FBXL17: variants seen among roughly 807,000 people sequenced by gnomAD.
FBXL17 encodes the protein F-box and leucine rich repeat protein 17.
FBXL17 carries 22 observed loss-of-function variants against 66.2 expected under a neutral mutation model. That is an observed-to-expected ratio of 0.33 (90% CI 0.24 to 0.47). FBXL17 has a LOEUF of 0.47. Among genes scored for constraint, FBXL17 ranks in the 20% least tolerant of loss-of-function variants. The pLI is 1.00. For missense variants in FBXL17, 878 were observed against 948.2 expected (o/e 0.93, Z 0.97); for synonymous variants, 474 against 400.5 (o/e 1.18, Z -2.19).
In FBXL17 at chr5:108,367,875, C is replaced by G; in HGVS notation, c.1072G>C (p.Asp358His). 1.3e-6 allele frequency: 2 copies of G among 1,550,914 alleles called. No individual in the cohort carries two copies. The highest frequency in any genetic ancestry group is 1.7e-4 in the Middle Eastern group (1 of 5,986). ...TCCAGCTGCTTCCAAAACTGGAAGTCTAAACAAAGGTCACGCCAGTACTTG... is the reference window on the plus strand; with the variant it reads ...TCCAGCTGCTTCCAAAACTGGAAGTGTAAACAAAGGTCACGCCAGTACTTG... The part of the protein sequence containing the change: ...VCKYWRDLCL[D>H]FQFWKQLDLS... Residue 358 changes from aspartate to histidine, a missense_variant, in exon 2 of 9, where the codon GAC (aspartate) becomes CAC (histidine). Coordinates refer to ENST00000542267, the MANE Select transcript of FBXL17 (RefSeq NM_001163315.3).
At chr5:108,059,472 T>C (rs1747837396) in intron 6 of FBXL17, among the ~76,000 whole-genome samples, 1 of 152,112 alleles carries the variant, frequency 6.6e-6, no homozygotes, top group Admixed American at 6.6e-5. Flanking sequence ...TTGACAATGG[T>C]GCCTCAGCAG....
intron 6 of FBXL17, among the ~76,000 whole-genome samples, chr5:108,107,819 AAAAAG>A (rs1321701311): frequency 3.3e-5 from 5 of 151,130 alleles, no homozygotes; most frequent in South Asian, 4.2e-4. Flanking sequence ...CTCAAAAAAA[AAAAAG>A]AAAAGAAAAA....
intron 6 of FBXL17, among the ~76,000 whole-genome samples, chr5:108,141,630 C>T (rs1415623254): frequency 6.6e-6 from 1 of 152,198 alleles, no homozygotes; most frequent in Non-Finnish European, 1.5e-5. Context: ...GGTTACTTGC[C>T]TAATTAATCT....
chr5:107,954,699 G>A (rs1233706724), intron 7 of FBXL17, among the ~76,000 whole-genome samples: 2 of 152,132 alleles, frequency 1.3e-5, no homozygotes, highest in Admixed American at 6.6e-5. Flanking sequence ...AAGGAGAGAT[G>A]AATGAAAAGA....
chr5:108,178,630 C>A (rs1288852295), intron 6 of FBXL17, among the ~76,000 whole-genome samples: 1 of 152,100 alleles, frequency 6.6e-6, no homozygotes, highest in Non-Finnish European at 1.5e-5. Flanking sequence ...CAGAAATAAG[C>A]TAAAATTCAG....
At chr5:108,276,982 C>T (rs1246053425) in intron 4 of FBXL17, among the ~76,000 whole-genome samples, 2 of 151,900 alleles carry the variant, frequency 1.3e-5, no homozygotes, top group South Asian at 2.1e-4. Context: ...GTACTTCAGA[C>T]ATCTTTATGT....
At chr5:108,311,591 G>C (rs2150199441) in intron 4 of FBXL17, among the ~76,000 whole-genome samples, 1 of 152,198 alleles carries the variant, frequency 6.6e-6, no homozygotes, top group South Asian at 2.1e-4. Flanking sequence ...AAATCCCAAA[G>C]ATCCACCACT....
At chr5:108,050,188 A>T (rs1747416099) in intron 6 of FBXL17, among the ~76,000 whole-genome samples, 1 of 152,252 alleles carries the variant, frequency 6.6e-6, no homozygotes, top group African/African-American at 2.4e-5. Flanking sequence ...ACGAGACAGA[A>T]AATTAACAAG....
chr5:108,118,527 G>T (rs1341191301), intron 6 of FBXL17, among the ~76,000 whole-genome samples: 3 of 151,984 alleles, frequency 2.0e-5, no homozygotes, highest in Admixed American at 1.3e-4. Flanking sequence ...TTCCATTTTG[G>T]TTTTCACTAC....
intron 6 of FBXL17, among the ~76,000 whole-genome samples, chr5:108,031,727 A>G (rs1329474025): frequency 1.3e-5 from 2 of 152,182 alleles, no homozygotes; most frequent in Admixed American, 6.6e-5. Flanking sequence ...AACATAATAC[A>G]GTAATAAAAC....
chr5:108,091,553 T>C (rs2149930545), intron 6 of FBXL17, among the ~76,000 whole-genome samples: 1 of 152,350 alleles, frequency 6.6e-6, no homozygotes, highest in East Asian at 1.9e-4. Flanking sequence ...CATGTTTCTT[T>C]TTTATTATTT....
At chr5:107,909,131 ATACTG>A (rs766385080) in intron 7 of FBXL17, among the ~76,000 whole-genome samples, 6 of 152,214 alleles carry the variant, frequency 3.9e-5, no homozygotes, top group Non-Finnish European at 8.8e-5. Context: ...AATGAATTCT[ATACTG>A]TGAATCAATG....
intron 6 of FBXL17, among the ~76,000 whole-genome samples, chr5:108,068,420 A>G (rs185589099): frequency 1.4e-3 from 206 of 145,722 alleles, no homozygotes; most frequent in Non-Finnish European, 2.6e-3. Context: ...ATAAAATCTA[A>G]ATACTCCTAA....
intron 4 of FBXL17, among the ~76,000 whole-genome samples, chr5:108,230,385 C>T (rs1266361788): frequency 6.6e-6 from 1 of 152,148 alleles, no homozygotes; most frequent in African/African-American, 2.4e-5. Flanking sequence ...GAATATTTCT[C>T]AGCCATAAAA....
rs917476478 is a variant in FBXL17, at chr5:108,197,414, C to CA, written c.1615-11168dup. ...TCCTCATATCAAGTTCAGAGATCTA[C>CA]AAAAAAAAGAGACAGTTCACAAAAT... On this transcript the variant is annotated intron_variant, in intron 5 of 8. Transcript: ENST00000542267. Among the ~76,000 whole-genome samples the CA allele has an allele frequency of 2.6e-5, 4 of 151,764 alleles. 1 individual carries two copies. Among genetic ancestry groups the CA allele is most frequent in the Middle Eastern group, 6.8e-3 (2 of 294 alleles).
At chr5:108,014,289 A>G (rs1307236881) in intron 7 of FBXL17, among the ~76,000 whole-genome samples, 3 of 152,160 alleles carry the variant, frequency 2.0e-5, no homozygotes, top group African/African-American at 7.2e-5. Context: ...ATGGTTAAAT[A>G]TGTAAATTTA....
chr5:108,201,048 T>C (rs376425182), intron 5 of FBXL17, among the ~76,000 whole-genome samples: 45 of 152,296 alleles, frequency 3.0e-4, no homozygotes, highest in South Asian at 1.5e-3. Context: ...TACAACACTC[T>C]ACTGTCTCAT....
chr5:108,278,476 G>A (rs1023175753), intron 4 of FBXL17, among the ~76,000 whole-genome samples: 1 of 152,194 alleles, frequency 6.6e-6, no homozygotes, highest in Non-Finnish European at 1.5e-5. Flanking sequence ...AGTGTAACAT[G>A]GGCTGCAGCC....
Position 108,254,114 on chromosome 5 carries a change from A to G in FBXL17, c.1507-29886T>C, listed in dbSNP as rs887576037. ...AATCATAGAAACAATTAAGACATGA[A>G]TAAGTTTTACAAAATCTTAAACTTC... On this transcript the variant is annotated intron_variant, in intron 4 of 8. Coordinates refer to ENST00000542267, the MANE Select transcript of FBXL17 (RefSeq NM_001163315.3). Among the ~76,000 whole-genome samples the G allele has an allele frequency of 2.0e-5, 3 of 152,198 alleles. No individual in the cohort carries two copies. In the East Asian group the frequency reaches 5.8e-4, roughly 29 times the overall value.
Sources: gnomAD v4.1 joint callset for allele counts (sites outside exome capture counted in the v4.1 genomes callset) on GRCh38, gnomAD v4.1.1 for gene constraint, MANE v1.5 for transcripts, NCBI Gene and HGNC (gene_info 2026-07-23, HGNC 2026-07-21) for gene names.